The following GRIP1 variants were observed in gnomAD, a reference collection of about 807,000 sequenced individuals.
GRIP1 encodes the protein glutamate receptor interacting protein 1.
A neutral mutation model predicts 129.9 loss-of-function variants in GRIP1; 45 were observed. The observed-to-expected ratio is 0.35, with a 90% CI of 0.27 to 0.44. The LOEUF is 0.44. GRIP1 is among the 20% of genes least tolerant of loss of function. The pLI is 1.00. For missense variants in GRIP1, 1,196 were observed against 1,396.8 expected, an observed-to-expected ratio of 0.86 and a Z score of 2.29; for synonymous variants, 530 against 520.8, an observed-to-expected ratio of 1.02 and a Z score of -0.24.
At chr12:66,456,385 A>G (rs1307506411) in intron 9 of GRIP1, 43 bp from the exon 10 acceptor site, 1 of 1,173,916 alleles carries the variant, frequency 8.5e-7, no homozygotes, top group Admixed American at 2.4e-5. Flanking sequence ...AAAACAAACG[A>G]ACAAACAAAG....
intron 1 of GRIP1, among the ~76,000 whole-genome samples, chr12:66,930,824 A>T (rs12820990): frequency 4.2e-4 from 64 of 152,014 alleles, no homozygotes; most frequent in African/African-American, 1.5e-3. Context: ...TGACCAAACA[A>T]GTGATTTAGA....
rs112890172 is a variant in GRIP1 at position 66,639,438 on chromosome 12, C to T, written c.55+39412G>A. On this transcript the variant is annotated intron_variant, in intron 1 of 24. Coordinates refer to ENST00000359742, the MANE Select transcript of GRIP1 (RefSeq NM_001366722.1). ...TGAAAGCACACAGCATAGAACAGCA[C>T]AATGTACAGGCTGGATGGGTGAGGG... is the stretch of plus-strand genomic sequence containing the variant. 4.2e-3 allele frequency among the ~76,000 whole-genome samples: 641 copies of T among 152,224 alleles called. 8 individuals are homozygous for T. Among genetic ancestry groups the T allele is most frequent in the African/African-American group, 0.015 (607 of 41,522 alleles).
intron 1 of GRIP1, among the ~76,000 whole-genome samples, chr12:66,788,219 A>G (rs954908401): frequency 5.9e-5 from 9 of 152,214 alleles, no homozygotes; most frequent in South Asian, 2.1e-4. Context: ...GTTAAATACA[A>G]AAAACACAAA....
intron 2 of GRIP1, among the ~76,000 whole-genome samples, chr12:66,590,860 C>T (rs2063826440): frequency 6.6e-6 from 1 of 152,164 alleles, no homozygotes; most frequent in Non-Finnish European, 1.5e-5. Flanking sequence ...GAATCTGCTG[C>T]AGCATACAAT....
intron 15 of GRIP1, among the ~76,000 whole-genome samples, chr12:66,409,304 C>T (rs2057304827): frequency 6.6e-6 from 1 of 152,140 alleles, no homozygotes; most frequent in Non-Finnish European, 1.5e-5. Flanking sequence ...CCCCACCACC[C>T]CTCAGCTTCA....
At chr12:66,371,994 G>A in intron 22 of GRIP1, 67 bp from the exon 23 acceptor site, 1 of 1,016,382 alleles carries the variant, frequency 9.8e-7, no homozygotes, top group South Asian at 1.3e-5. Context: ...GTGCTCAACA[G>A]TAAGCACATT....
At position 66,625,915 on chromosome 12, in the gene GRIP1, G is replaced by A. The variant is rs781455081; in HGVS notation, c.56-28988C>T. ...GTACTGAGAGTTCCAGAGTGGGAGA[G>A]AGGAAGCACTATCAGAAAGAGAATG... On this transcript the variant is annotated intron_variant, in intron 1 of 24. Coordinates refer to ENST00000359742, the MANE Select transcript of GRIP1 (RefSeq NM_001366722.1). 5.3e-5 allele frequency among the ~76,000 whole-genome samples: 8 copies of A among 152,194 alleles called. No homozygotes were observed. In the East Asian group the frequency reaches 1.5e-3, roughly 29 times the overall value.
At chr12:66,598,275 C>T (rs974485811) in intron 1 of GRIP1, among the ~76,000 whole-genome samples, 6 of 152,028 alleles carry the variant, frequency 3.9e-5, no homozygotes, top group East Asian at 1.9e-4. Flanking sequence ...GGTCTTTATA[C>T]GCAATGACAA....
At chr12:66,628,417 A>C (rs1398689400) in intron 1 of GRIP1, among the ~76,000 whole-genome samples, 1 of 152,220 alleles carries the variant, frequency 6.6e-6, no homozygotes, top group Non-Finnish European at 1.5e-5. Context: ...AACATGTACA[A>C]GGAACCAGCC....
At chr12:66,497,168 C>A (rs1341848021) in intron 7 of GRIP1, among the ~76,000 whole-genome samples, 1 of 152,122 alleles carries the variant, frequency 6.6e-6, no homozygotes, top group East Asian at 1.9e-4. Context: ...CCCGTCCCTG[C>A]CCTTCTGGTA....
chr12:66,644,229 T>A (rs531699533), intron 1 of GRIP1, among the ~76,000 whole-genome samples: 140 of 152,282 alleles, frequency 9.2e-4, no homozygotes, highest in African/African-American at 3.3e-3. Flanking sequence ...CAATTCAAGA[T>A]AAGATTTGGG....
At chr12:66,741,973 A>G (rs1404321471) in intron 1 of GRIP1, among the ~76,000 whole-genome samples, 1 of 152,178 alleles carries the variant, frequency 6.6e-6, no homozygotes, top group African/African-American at 2.4e-5. Flanking sequence ...CACTCAACTC[A>G]TACTAAAGAA....
chr12:67,056,750 A>G (rs571395353), intron 1 of GRIP1, among the ~76,000 whole-genome samples: 11 of 152,312 alleles, frequency 7.2e-5, no homozygotes, highest in African/African-American at 2.4e-4. Context: ...TTGTAAGAGC[A>G]TTACATATGC....
upstream of GRIP1, among the ~76,000 whole-genome samples, chr12:66,681,745 T>C (rs539049427): frequency 6.6e-6 from 1 of 152,288 alleles, no homozygotes; most frequent in South Asian, 2.1e-4. Flanking sequence ...GTGAGTGAGC[T>C]AGTTCAAGAG....
chr12:66,458,213 C>T (rs766761208), intron 9 of GRIP1, among the ~76,000 whole-genome samples: 19 of 136,784 alleles, frequency 1.4e-4, no homozygotes, highest in Non-Finnish European at 2.5e-4. Flanking sequence ...GTTTGGATTC[C>T]CCCTCTCTCT....
At chr12:66,683,133 G>A (rs1009549165), upstream of GRIP1, among the ~76,000 whole-genome samples, 14 of 151,764 alleles carry the variant, frequency 9.2e-5, no homozygotes, top group South Asian at 2.1e-4. Context: ...CAGTGTTCTC[G>A]GAGGTCTTAA....
At position 66,415,185 on chromosome 12, in the gene GRIP1, G is replaced by A. The variant is rs144175933; in HGVS notation, c.1838+5535C>T. ...TGCACAGCAAAAGAAACTATCATCA[G>A]AGTGAACAGACAACATACAGAATGG... On this transcript the variant is annotated intron_variant, in intron 15 of 24. Coordinates refer to ENST00000359742, the MANE Select transcript of GRIP1 (RefSeq NM_001366722.1). Among the ~76,000 whole-genome samples, 294 of 152,176 alleles carry A rather than the reference G, an allele frequency of 1.9e-3. 3 individuals are homozygous for A. Among genetic ancestry groups the A allele is most frequent in the African/African-American group, 6.7e-3 (277 of 41,544 alleles).
At chr12:66,684,720 C>A (rs2034714472) in intron 1 of GRIP1, among the ~76,000 whole-genome samples, 1 of 152,130 alleles carries the variant, frequency 6.6e-6, no homozygotes, top group South Asian at 2.1e-4. Context: ...TGGTGCACAC[C>A]TGTAATCCCA....
intron 1 of GRIP1, among the ~76,000 whole-genome samples, chr12:67,067,911 G>A (rs1332804870): frequency 2.6e-5 from 4 of 152,092 alleles, no homozygotes; most frequent in Non-Finnish European, 4.4e-5. Flanking sequence ...CCTCAGCACC[G>A]GCTGTTTCCC....
Sources: allele counts gnomAD v4.1 joint callset (sites outside exome capture counted in the v4.1 genomes callset), GRCh38; gene constraint gnomAD v4.1.1; transcripts MANE v1.5; gene names NCBI Gene and HGNC (gene_info 2026-07-23, HGNC 2026-07-21).